The following SYCP2 variants were observed in gnomAD, a reference collection of about 807,000 sequenced individuals.
SYCP2 encodes the protein synaptonemal complex protein 2.
Under a neutral mutation model 211.3 loss-of-function variants are expected in SYCP2, and 55 were observed. The ratio of observed to expected loss-of-function variants is 0.26; its 90% confidence interval spans 0.21 to 0.33. The LOEUF (loss-of-function observed/expected upper bound fraction) is 0.33. SYCP2 is among the 10% of genes least tolerant of loss of function. The pLI is 1.00. For missense variants in SYCP2, 1,731 were observed against 1,752.0 expected, an observed-to-expected ratio of 0.99 and a Z score of 0.21; for synonymous variants, 570 against 555.2, an observed-to-expected ratio of 1.03 and a Z score of -0.37.
At chr20:59,873,482 A>G (rs780624104) in intron 35 of SYCP2, among the ~76,000 whole-genome samples, 1 of 152,144 alleles carries the variant, frequency 6.6e-6, no homozygotes. Context: ...ATTTCATCAC[A>G]CTATTCAGAA....
In SYCP2 at chr20:59,892,099, G is replaced by A. The variant is rs1413059321; in HGVS notation, c.2255C>T (p.Ala752Val). 5.6e-6 allele frequency: 9 copies of A among 1,611,970 alleles called. No individual in the cohort carries two copies. The highest frequency in any genetic ancestry group is 7.6e-6 in the Non-Finnish European group (9 of 1,178,874). Residue 752 changes from alanine to valine, a missense_variant, in exon 24 of 45, where the codon GCT becomes GTT. By Grantham distance (64) the Ala-to-Val change is moderately conservative (BLOSUM62 0). Transcript: ENST00000357552. ...AGCAGATGGATTTTTATCGCAAGTA[G>A]CAGTATTCACATCTTTTGACAATAT... ...KYILSKDVNT[A>V]TCDKNPSASK...
At chr20:59,921,129 T>C (rs2060533859) in intron 4 of SYCP2, among the ~76,000 whole-genome samples, 181 bp downstream of exon 4, 1 of 151,640 alleles carries the variant, frequency 6.6e-6, no homozygotes, top group African/African-American at 2.4e-5. Flanking sequence ...GACATTCCAA[T>C]GTGTTGAGAT....
chr20:59,927,877 T>C (rs2060662913), intron 2 of SYCP2, among the ~76,000 whole-genome samples: 2 of 152,188 alleles, frequency 1.3e-5, no homozygotes, highest in Admixed American at 1.3e-4. Flanking sequence ...TTTTGTTCCT[T>C]CTGGAAGCTC....
intron 39 of SYCP2, among the ~76,000 whole-genome samples, chr20:59,867,014 CAAAAAAAAA>C (rs779891839): frequency 6.5e-4 from 39 of 60,424 alleles, no homozygotes; most frequent in African/African-American, 2.1e-3. Flanking sequence ...GGCCTTGGGC[CAAAAAAAAA>C]AAAAAAAAAA....
chr20:59,900,841 T>C (rs986815943), intron 16 of SYCP2, 23 bp from the exon 17 acceptor site: 2 of 1,477,750 alleles, frequency 1.4e-6, no homozygotes, highest in African/African-American at 2.8e-5. Flanking sequence ...CAATTCACAG[T>C]GATGACATTT....
At chr20:59,874,165 C>A in intron 34 of SYCP2, 104 bp from the exon 35 acceptor site, 1 of 562,996 alleles carries the variant, frequency 1.8e-6, no homozygotes, top group Non-Finnish European at 2.9e-6. Context: ...TTTGTCAGAT[C>A]TTCAAATCTT....
At chr20:59,881,291 T>C in intron 29 of SYCP2, 146 bp downstream of exon 29, 1 of 603,932 alleles carries the variant, frequency 1.7e-6, no homozygotes, top group Non-Finnish European at 2.9e-6. Context: ...AAAGAGTAAA[T>C]GTTGAAGTAA....
intron 41 of SYCP2, 138 bp downstream of exon 41, chr20:59,866,155 T>C (rs2059327906): frequency 1.9e-6 from 1 of 533,954 alleles, no homozygotes; most frequent in Non-Finnish European, 3.2e-6. Context: ...TGAAGCTGAT[T>C]AGAAATCTAA....
At chr20:59,886,113 A>T in intron 25 of SYCP2, 149 bp from the exon 26 acceptor site, 1 of 604,940 alleles carries the variant, frequency 1.7e-6, no homozygotes, top group Non-Finnish European at 2.9e-6. Flanking sequence ...TAGTTTTGCT[A>T]CTTCACTCAC....
chr20:59,880,861 TAAAAC>T, intron 30 of SYCP2, 100 bp downstream of exon 30: 1 of 578,008 alleles, frequency 1.7e-6, no homozygotes. Context: ...GTTGCATAAA[TAAAAC>T]AATCAAAATG....
chr20:59,908,257 CAG>C, intron 14 of SYCP2, among the ~76,000 whole-genome samples: 1 of 151,380 alleles, frequency 6.6e-6, no homozygotes, highest in Non-Finnish European at 1.5e-5. Context: ...TCAAACAAAA[CAG>C]AACAAAACAC....
intron 39 of SYCP2, among the ~76,000 whole-genome samples, chr20:59,867,076 T>G (rs1178930981): frequency 1.9e-5 from 1 of 53,972 alleles, no homozygotes; most frequent in Non-Finnish European, 3.3e-5. Context: ...TAACCCTGAA[T>G]ATAGGAGAAA....
intron 18 of SYCP2, among the ~76,000 whole-genome samples, chr20:59,899,550 C>A (rs973232812): frequency 1.3e-5 from 2 of 152,036 alleles, no homozygotes. Flanking sequence ...GCAAACCTAC[C>A]AAGAGGTATG....
intron 2 of SYCP2, among the ~76,000 whole-genome samples, chr20:59,930,507 T>C (rs2060718612): frequency 6.6e-6 from 1 of 152,220 alleles, no homozygotes; most frequent in African/African-American, 2.4e-5. Flanking sequence ...ATCTTCTTCC[T>C]TCTCTTTTTA....
rs761711417 is a variant in SYCP2 at position 59,900,789 on chromosome 20, A to G, written c.1212T>C (p.Val404=). 3.7e-6 allele frequency: 6 copies of G among 1,612,550 alleles called. No individual in the cohort carries two copies. The highest frequency in any genetic ancestry group is 5.1e-6 in the Non-Finnish European group (6 of 1,179,080). Residue 404 remains valine (V), a synonymous_variant, in exon 17 of 45, where the codon GTT becomes GTC. Transcript: ENST00000357552. ...AAAGTATATGCAGCGACGTTTTGGCAACTGAAATACCTTGTTTTCTGATAG... is the reference window on the plus strand; with the variant it reads ...AAAGTATATGCAGCGACGTTTTGGCGACTGAAATACCTTGTTTTCTGATAG... ...RESIRKQGIS[V]AKTSLHILFD...
intron 35 of SYCP2, 79 bp downstream of exon 35, chr20:59,873,777 T>C (rs567357142): frequency 2.4e-6 from 3 of 1,245,310 alleles, no homozygotes; most frequent in East Asian, 5.0e-5. Flanking sequence ...GCAATGTGTA[T>C]CTGATTAAGA....
intron 17 of SYCP2, 87 bp from the exon 18 acceptor site, chr20:59,900,371 C>T: frequency 4.5e-6 from 5 of 1,120,764 alleles, no homozygotes; most frequent in Non-Finnish European, 6.2e-6. Flanking sequence ...AGCTCCTACT[C>T]ATCTCACATA....
intron 2 of SYCP2, among the ~76,000 whole-genome samples, chr20:59,926,072 G>C (rs1399444129): frequency 6.6e-6 from 1 of 152,036 alleles, no homozygotes; most frequent in Non-Finnish European, 1.5e-5. Flanking sequence ...CTGGGAGACA[G>C]TCTCCAGCCA....
intron 26 of SYCP2, among the ~76,000 whole-genome samples, chr20:59,884,169 C>T (rs1395944654): frequency 6.6e-6 from 1 of 151,948 alleles, no homozygotes; most frequent in Non-Finnish European, 1.5e-5. Flanking sequence ...ATGCCATCAC[C>T]ACAAACCAAG....
Sources: allele counts gnomAD v4.1 joint callset (sites outside exome capture counted in the v4.1 genomes callset), GRCh38; gene constraint gnomAD v4.1.1; transcripts MANE v1.5; gene names NCBI Gene and HGNC (gene_info 2026-07-23, HGNC 2026-07-21).